Variants in INO80 observed in about 807,000 individuals in gnomAD.
The protein encoded by INO80 is chromatin-remodeling ATPase INO80.
Under a neutral mutation model 203.4 loss-of-function variants are expected in INO80, and 20 were observed. The ratio of observed to expected loss-of-function variants is 0.10; its 90% confidence interval spans 0.07 to 0.14. The LOEUF is 0.14. Among genes scored for constraint, INO80 ranks in the 10% least tolerant of loss-of-function variants. The pLI is 1.00. For synonymous variants in INO80, 726 were observed against 685.2 expected, an observed-to-expected ratio of 1.06 and a Z score of -0.93; for missense variants, 1,419 against 1,914.4, an observed-to-expected ratio of 0.74 and a Z score of 4.83.
chr15:41,076,877 A>G (rs2045411266), intron 9 of INO80, among the ~76,000 whole-genome samples: 1 of 152,182 alleles, frequency 6.6e-6, no homozygotes, highest in Admixed American at 6.6e-5. Context: ...AGAACACAGT[A>G]TAAGTAGCAT....
At chr15:41,073,361 C>T in intron 11 of INO80, 67 bp downstream of exon 11, 1 of 1,307,508 alleles carries the variant, frequency 7.6e-7, no homozygotes, top group East Asian at 2.3e-5. Flanking sequence ...AGGAAGACCA[C>T]CTAAGTAAAG....
At chr15:41,033,049 AAAAC>A (rs1351527418) in intron 24 of INO80, among the ~76,000 whole-genome samples, 3 of 152,144 alleles carry the variant, frequency 2.0e-5, no homozygotes, top group African/African-American at 7.2e-5. Context: ...CAACAACAAA[AAAAC>A]AAACAAAAAA....
intron 1 of INO80, among the ~76,000 whole-genome samples, chr15:41,099,011 G>T (rs538880102): frequency 1.3e-5 from 2 of 152,014 alleles, no homozygotes; most frequent in East Asian, 3.9e-4. Context: ...TTAGGAGGCT[G>T]AAGTGGGTGG....
In INO80 at chr15:40,983,011, T is replaced by C. The variant is rs758929258; in HGVS notation, c.4304A>G (p.Lys1435Arg). The C allele has an allele frequency of 2.5e-6, 4 of 1,614,130 alleles. No individual in the cohort carries two copies. The highest frequency in any genetic ancestry group is 1.1e-5 in the South Asian group (1 of 91,080). Residue 1435 changes from lysine to arginine, a missense_variant, in exon 35 of 36, where the codon AAA becomes AGA. Coordinates refer to ENST00000648947, the MANE Select transcript of INO80 (RefSeq NM_017553.3). ...GHSARSRGRP[K>R]GSGSTAKGAG... ...TCCTTTGGCTGTGCTTCCTGAACCTTTGGGGCGGCCTCGGCTTCGGGCTGA... is the reference window on the plus strand; with the variant it reads ...TCCTTTGGCTGTGCTTCCTGAACCTCTGGGGCGGCCTCGGCTTCGGGCTGA...
intron 1 of INO80, among the ~76,000 whole-genome samples, chr15:41,106,593 A>C (rs1566951774): frequency 6.6e-6 from 1 of 151,778 alleles, no homozygotes; most frequent in Non-Finnish European, 1.5e-5. Flanking sequence ...ATGCCATTGC[A>C]CTCCAGCCTG....
chr15:41,053,884 T>C (rs1015201722), intron 19 of INO80, 45 bp downstream of exon 19: 3 of 1,405,138 alleles, frequency 2.1e-6, no homozygotes, highest in African/African-American at 1.4e-5. Flanking sequence ...GAATCTTAAG[T>C]TGGTGCCTAT....
At chr15:40,983,157 C>T (rs1291385699) in intron 34 of INO80, 80 bp from the exon 35 acceptor site, 25 of 1,194,864 alleles carry the variant, frequency 2.1e-5, no homozygotes, top group South Asian at 2.7e-5. Flanking sequence ...CTTCTCCTGA[C>T]AGGGAAAGCG....
rs1330283374 is a variant in INO80, at chr15:41,106,621, CCT to C, written c.-44+9350_-44+9351del. On this transcript the variant is annotated intron_variant, in intron 1 of 35. Transcript: ENST00000648947. ...CCAGCCTGGGTGACAGGGCAAGACC[CCT>C]GTCTCAACAAAAAAAAAGAAACCAA... is the stretch of plus-strand genomic sequence containing the variant. 6.6e-5 allele frequency among the ~76,000 whole-genome samples: 10 copies of C among 152,128 alleles called. No individual in the cohort carries two copies. The East Asian group carries it at 1.7e-3, about 26-fold the overall frequency.
chr15:41,081,621 C>A (rs1408156709), intron 7 of INO80, among the ~76,000 whole-genome samples: 4 of 152,100 alleles, frequency 2.6e-5, no homozygotes, highest in African/African-American at 9.7e-5. Context: ...GACCCAGCAG[C>A]CCACAACCCA....
At chr15:41,008,224 T>TACACACACACACAC (rs71104765) in intron 27 of INO80, among the ~76,000 whole-genome samples, 2,072 of 148,878 alleles carry the variant, frequency 0.014, 39 homozygotes, top group African/African-American at 0.045. Flanking sequence ...TATATATACA[T>TACACACACACACAC]ACACACACAC....
At chr15:41,080,006 G>T in intron 8 of INO80, 102 bp from the exon 9 acceptor site, 1 of 997,320 alleles carries the variant, frequency 1.0e-6, no homozygotes, top group Non-Finnish European at 1.6e-6. Flanking sequence ...CAGCCAAACT[G>T]TCATCCTTGA....
chr15:41,110,120 G>A (rs903805313), intron 1 of INO80, among the ~76,000 whole-genome samples: 9 of 151,794 alleles, frequency 5.9e-5, no homozygotes, highest in African/African-American at 2.2e-4. Flanking sequence ...AACTGGCTGT[G>A]GTTAAATGAA....
chr15:41,096,044 T>A (rs966930745), intron 2 of INO80, 116 bp from the exon 3 acceptor site: 2 of 1,419,130 alleles, frequency 1.4e-6, no homozygotes, highest in African/African-American at 2.9e-5. Flanking sequence ...GACTTTTTTA[T>A]TTGAAAGAGG....
At chr15:41,098,434 G>A (rs1160149837) in intron 1 of INO80, among the ~76,000 whole-genome samples, 1 of 152,118 alleles carries the variant, frequency 6.6e-6, no homozygotes, top group Non-Finnish European at 1.5e-5. Context: ...CAGCACTCTG[G>A]GAGACTGAAG....
intron 26 of INO80, among the ~76,000 whole-genome samples, chr15:41,019,142 G>C (rs1481814376): frequency 1.3e-5 from 2 of 152,132 alleles, no homozygotes; most frequent in African/African-American, 4.8e-5. Flanking sequence ...ACTTTTGAAG[G>C]GATTGTACAT....
intron 25 of INO80, among the ~76,000 whole-genome samples, chr15:41,023,855 C>A (rs2044335899): frequency 6.8e-6 from 1 of 147,660 alleles, no homozygotes; most frequent in Admixed American, 6.8e-5. Flanking sequence ...TTTATACTCA[C>A]AGATAACCGT....
intron 9 of INO80, 127 bp downstream of exon 9, chr15:41,079,574 C>CAAAAAAA (rs57754557): frequency 3.1e-6 from 2 of 644,162 alleles, no homozygotes; most frequent in Non-Finnish European, 5.1e-6. Flanking sequence ...GCATCTCTAC[C>CAAAAAAA]AAAAAAAAAA....
intron 14 of INO80, among the ~76,000 whole-genome samples, chr15:41,064,884 T>C (rs1231497425): frequency 6.6e-6 from 1 of 151,720 alleles, no homozygotes; most frequent in Non-Finnish European, 1.5e-5. Flanking sequence ...GTAGTCCCAG[T>C]TACACGGGAG....
At chr15:41,052,875 A>AG (rs1364318370) in intron 19 of INO80, among the ~76,000 whole-genome samples, 1 of 149,744 alleles carries the variant, frequency 6.7e-6, no homozygotes, top group East Asian at 2.0e-4. Context: ...AAAAAAAAAA[A>AG]TACAAAAATT....
Sources: gnomAD v4.1 joint callset for allele counts (sites outside exome capture counted in the v4.1 genomes callset) on GRCh38, gnomAD v4.1.1 for gene constraint, MANE v1.5 for transcripts, NCBI Gene and HGNC (gene_info 2026-07-23, HGNC 2026-07-21) for gene names.